The following CFAP107 variants were observed in gnomAD, a reference collection of about 807,000 sequenced individuals.
CFAP107 encodes the protein cilia and flagella associated protein 107, also known as cilia- and flagella-associated protein 107.
chr1:12,761,172 G>A, the CFAP107 span: 1 of 530,872 alleles, frequency 1.9e-6, no homozygotes, highest in Non-Finnish European at 3.3e-6. Context: ...TGACACTATT[G>A]CAGGGCTATG....
At chr1:12,760,925 C>T in the CFAP107 span, 75 of 1,613,362 alleles carry the variant, frequency 4.6e-5, no homozygotes, top group South Asian at 5.6e-4. Flanking sequence ...CCCTCCCCAT[C>T]GCCTGCATCC....
the CFAP107 span, among the ~76,000 whole-genome samples, chr1:12,757,354 TTTCTTTCTTTTTC>T: frequency 1.3e-5 from 2 of 150,132 alleles, no homozygotes; most frequent in Non-Finnish European, 3.0e-5. Context: ...TCTCTTTTCT[TTTCTTTCTTTTTC>T]TTTTTTTTCC....
At chr1:12,758,066 G>C in the CFAP107 span, among the ~76,000 whole-genome samples, 1 of 152,090 alleles carries the variant, frequency 6.6e-6, no homozygotes, top group South Asian at 2.1e-4. Flanking sequence ...TCGCCCAATG[G>C]TTCCCATGGA....
At chr1:12,746,378 G>C in the CFAP107 span, 1 of 1,450,406 alleles carries the variant, frequency 6.9e-7, no homozygotes, top group Non-Finnish European at 9.6e-7. Flanking sequence ...TCCTCTCCCC[G>C]CCTGAAGCCT....
At chr1:12,748,846 G>A in the CFAP107 span, among the ~76,000 whole-genome samples, 1 of 152,118 alleles carries the variant, frequency 6.6e-6, no homozygotes, top group Non-Finnish European at 1.5e-5. Context: ...CAATACATGA[G>A]CAAAATGAGA....
the CFAP107 span, chr1:12,760,707 G>A: frequency 6.6e-7 from 1 of 1,521,012 alleles, no homozygotes; most frequent in South Asian, 1.2e-5. Flanking sequence ...CGTGGCCATT[G>A]GCCATTTAGA....
At chr1:12,756,728 G>A in the CFAP107 span, among the ~76,000 whole-genome samples, 1 of 152,188 alleles carries the variant, frequency 6.6e-6, no homozygotes, top group African/African-American at 2.4e-5. Context: ...GACATCTTTT[G>A]GAATTGGGGC....
chr1:12,747,404 T>C, the CFAP107 span, among the ~76,000 whole-genome samples: 1 of 152,118 alleles, frequency 6.6e-6, no homozygotes, highest in Admixed American at 6.5e-5. Context: ...ATTTGGCTCT[T>C]GGTTTTCCAC....
the CFAP107 span, chr1:12,755,937 C>T: frequency 3.1e-6 from 2 of 647,754 alleles, no homozygotes; most frequent in South Asian, 2.0e-5. Flanking sequence ...TCATTAATAC[C>T]CTCCCAGCCC....
chr1:12,759,222 C>G, the CFAP107 span: 1 of 1,455,462 alleles, frequency 6.9e-7, no homozygotes, highest in Non-Finnish European at 9.5e-7. Flanking sequence ...CACCACAGAC[C>G]CCTACATGTG....
chr1:12,756,036 A>G, the CFAP107 span, among the ~76,000 whole-genome samples: 1 of 152,202 alleles, frequency 6.6e-6, no homozygotes, highest in Non-Finnish European at 1.5e-5. Context: ...TCCAACCTAT[A>G]TCCCAGCACC....
the CFAP107 span, among the ~76,000 whole-genome samples, chr1:12,760,235 A>G: frequency 6.6e-6 from 1 of 152,142 alleles, no homozygotes; most frequent in African/African-American, 2.4e-5. Flanking sequence ...CAATCCCAAG[A>G]CTTGGAATGC....
At chr1:12,763,259 C>A in the CFAP107 span, 1 of 152,114 alleles carries the variant, frequency 6.6e-6, no homozygotes, top group Non-Finnish European at 1.5e-5. Flanking sequence ...CGTAAAAAAA[C>A]CCCATAATGT....
At chr1:12,746,757 TG>T in the CFAP107 span, among the ~76,000 whole-genome samples, 2 of 152,244 alleles carry the variant, frequency 1.3e-5, no homozygotes, top group East Asian at 3.9e-4. Context: ...TCATACATGA[TG>T]GTTATCGAAA....
the CFAP107 span, among the ~76,000 whole-genome samples, chr1:12,756,984 T>C: frequency 7.2e-5 from 11 of 152,200 alleles, no homozygotes; most frequent in Non-Finnish European, 1.5e-4. Context: ...CAACCCCAGA[T>C]GACTCCCTCA....
At chr1:12,752,133 T>G in the CFAP107 span, among the ~76,000 whole-genome samples, 1 of 152,142 alleles carries the variant, frequency 6.6e-6, no homozygotes, top group Non-Finnish European at 1.5e-5. Context: ...ACCCTGATAC[T>G]AAAGGCGAAG....
the CFAP107 span, chr1:12,746,448 A>G: frequency 1.9e-6 from 3 of 1,613,418 alleles, no homozygotes; most frequent in Non-Finnish European, 2.5e-6. Flanking sequence ...TGACTGCAGT[A>G]AATCCACAGC....
the CFAP107 span, chr1:12,755,794 A>G: frequency 1.2e-6 from 2 of 1,612,882 alleles, no homozygotes; most frequent in Non-Finnish European, 8.5e-7. Flanking sequence ...TCCAGGTGGT[A>G]TGGGAAGAGG....
At chr1:12,749,226 A>G in the CFAP107 span, among the ~76,000 whole-genome samples, 11 of 152,366 alleles carry the variant, frequency 7.2e-5, no homozygotes, top group African/African-American at 2.6e-4. Flanking sequence ...GAAGCACTTT[A>G]TAATTAAGAT....
Sources: allele counts gnomAD v4.1 joint callset (sites outside exome capture counted in the v4.1 genomes callset), GRCh38; gene constraint gnomAD v4.1.1; transcripts MANE v1.5; gene names NCBI Gene and HGNC (gene_info 2026-07-23, HGNC 2026-07-21).